CNTN5: variants seen among roughly 807,000 people sequenced by gnomAD.
CNTN5 encodes contactin 5, also known as contactin-5.
In CNTN5, 77 loss-of-function variants were observed where a neutral mutation model predicts 129.1. The observed-to-expected ratio is 0.60, with a 90% CI of 0.50 to 0.72. The LOEUF is 0.72. CNTN5 is among the 30% of genes least tolerant of loss of function. The pLI is 0.00. For missense variants in CNTN5, 1,478 were observed against 1,328.8 expected, an observed-to-expected ratio of 1.11 and a Z score of -1.75; for synonymous variants, 509 against 465.6, an observed-to-expected ratio of 1.09 and a Z score of -1.20.
chr11:100,076,291 T>C (rs1944123697), intron 13 of CNTN5, among the ~76,000 whole-genome samples: 1 of 152,114 alleles, frequency 6.6e-6, no homozygotes, highest in South Asian at 2.1e-4. Flanking sequence ...TTGTTTTATG[T>C]TTCTGGGTGG....
chr11:99,985,574 A>C (rs1938622623), intron 8 of CNTN5, among the ~76,000 whole-genome samples: 1 of 152,170 alleles, frequency 6.6e-6, no homozygotes, highest in Non-Finnish European at 1.5e-5. Flanking sequence ...AAGAGAGGGC[A>C]GACAGGAATA....
At chr11:99,835,648 A>G (rs900616949) in intron 4 of CNTN5, among the ~76,000 whole-genome samples, 1 of 152,168 alleles carries the variant, frequency 6.6e-6, no homozygotes, top group Non-Finnish European at 1.5e-5. Flanking sequence ...AGGATTTAGG[A>G]ATGGAAACAT....
chr11:99,323,689 G>A (rs199623867), intron 1 of CNTN5, among the ~76,000 whole-genome samples: 2 of 152,104 alleles, frequency 1.3e-5, no homozygotes, highest in East Asian at 3.9e-4. Context: ...AATCCAAGAT[G>A]AAAAAAACAT....
chr11:99,573,498 A>C (rs1949244497), intron 3 of CNTN5, among the ~76,000 whole-genome samples: 1 of 151,990 alleles, frequency 6.6e-6, no homozygotes, highest in South Asian at 2.1e-4. Context: ...TGAACCAGGA[A>C]GGCGGAGTTT....
intron 2 of CNTN5, among the ~76,000 whole-genome samples, chr11:99,458,067 A>T (rs564213207): frequency 5.3e-5 from 8 of 152,046 alleles, no homozygotes; most frequent in African/African-American, 1.9e-4. Context: ...ATATACATTT[A>T]TATTTAAATT....
At chr11:99,747,439 T>C (rs1041071001) in intron 3 of CNTN5, among the ~76,000 whole-genome samples, 2 of 151,134 alleles carry the variant, frequency 1.3e-5, no homozygotes, top group African/African-American at 2.4e-5. Context: ...TCCCATACTA[T>C]ATTGAATAGA....
chr11:99,476,320 G>T (rs191180508), intron 2 of CNTN5, among the ~76,000 whole-genome samples: 8 of 151,918 alleles, frequency 5.3e-5, no homozygotes, highest in African/African-American at 1.7e-4. Flanking sequence ...CTTTGGCTCT[G>T]TTTCTCATTT....
intron 21 of CNTN5, among the ~76,000 whole-genome samples, chr11:100,320,636 C>A (rs1369554400): frequency 6.6e-6 from 1 of 151,938 alleles, no homozygotes; most frequent in East Asian, 1.9e-4. Context: ...ATTGCCCAGA[C>A]CAAGGTCATA....
chr11:99,432,986 A>G, intron 2 of CNTN5, among the ~76,000 whole-genome samples: 1 of 147,730 alleles, frequency 6.8e-6, no homozygotes, highest in East Asian at 2.0e-4. Context: ...GAGCGTTGTG[A>G]CTCCATGAAT....
chr11:99,951,502 A>T (rs905983746), intron 7 of CNTN5, among the ~76,000 whole-genome samples: 3 of 152,064 alleles, frequency 2.0e-5, no homozygotes, highest in Admixed American at 1.3e-4. Flanking sequence ...TCTTCAACAG[A>T]ATATTAATAA....
intron 16 of CNTN5, 33 bp downstream of exon 16, chr11:100,224,845 G>C: frequency 1.9e-6 from 3 of 1,608,274 alleles, no homozygotes; most frequent in Non-Finnish European, 2.6e-6. Context: ...CTGAAGACAT[G>C]ATCACCATAA....
intron 1 of CNTN5, among the ~76,000 whole-genome samples, chr11:99,037,047 TTTC>T (rs1374419466): frequency 6.6e-6 from 1 of 152,146 alleles, no homozygotes; most frequent in Non-Finnish European, 1.5e-5. Context: ...ATTGTCTTCT[TTTC>T]TCCCTCCACT....
intron 7 of CNTN5, among the ~76,000 whole-genome samples, chr11:99,941,251 A>T (rs1350371110): frequency 6.6e-6 from 1 of 152,050 alleles, no homozygotes. Context: ...GGATACATGC[A>T]TTCCCAGGGT....
intron 3 of CNTN5, among the ~76,000 whole-genome samples, chr11:99,784,919 C>A (rs142414630): frequency 0.012 from 1,749 of 151,324 alleles, 36 homozygotes; most frequent in African/African-American, 0.04. Flanking sequence ...TCTGCCTCAG[C>A]CTCCCAAATA....
intron 3 of CNTN5, among the ~76,000 whole-genome samples, chr11:99,556,713 T>A (rs1487295551): frequency 6.7e-6 from 1 of 150,018 alleles, no homozygotes; most frequent in Non-Finnish European, 1.5e-5. Context: ...AATGCTAAAT[T>A]TCACCATATA....
At chr11:99,435,487 C>A (rs1943562827) in intron 2 of CNTN5, among the ~76,000 whole-genome samples, 1 of 152,194 alleles carries the variant, frequency 6.6e-6, no homozygotes. Flanking sequence ...CACCTACTCC[C>A]TCTCTGCTGT....
At chr11:99,989,185 C>T (rs2137401532) in intron 8 of CNTN5, among the ~76,000 whole-genome samples, 2 of 152,070 alleles carry the variant, frequency 1.3e-5, no homozygotes, top group Middle Eastern at 6.8e-3. Context: ...TGCAAGAGTC[C>T]CATAGAAGTA....
At chr11:99,934,668 T>TGAGGTCAGGAGTTC (rs1479585127) in intron 7 of CNTN5, among the ~76,000 whole-genome samples, 2 of 151,896 alleles carry the variant, frequency 1.3e-5, no homozygotes, top group Non-Finnish European at 2.9e-5. Context: ...GTGGATCCCC[T>TGAGGTCAGGAGTTC]GAGGTCAGGA....
chr11:99,132,405 G>A (rs757315792), intron 1 of CNTN5, among the ~76,000 whole-genome samples: 26 of 152,070 alleles, frequency 1.7e-4, no homozygotes, highest in Non-Finnish European at 2.9e-4. Flanking sequence ...TCTGGCCGGG[G>A]CAATCAGGCA....
Sources: allele counts gnomAD v4.1 joint callset (sites outside exome capture counted in the v4.1 genomes callset), GRCh38; gene constraint gnomAD v4.1.1; transcripts MANE v1.5; gene names NCBI Gene and HGNC (gene_info 2026-07-23, HGNC 2026-07-21).